The following SORCS1 variants were observed in gnomAD, a reference collection of about 807,000 sequenced individuals.
The protein encoded by SORCS1 is sortilin related VPS10 domain containing receptor 1.
A neutral mutation model predicts 146.1 loss-of-function variants in SORCS1; 60 were observed. The observed-to-expected ratio is 0.41, with a 90% CI of 0.33 to 0.51. SORCS1 has a LOEUF of 0.51. SORCS1 is among the 20% of genes least tolerant of loss of function. The pLI, the probability that SORCS1 is intolerant of heterozygous loss-of-function variation, is 0.21. For missense variants in SORCS1, 1,352 were observed against 1,487.6 expected (o/e 0.91, Z 1.50); for synonymous variants, 637 against 584.0 (o/e 1.09, Z -1.31).
intron 1 of SORCS1, among the ~76,000 whole-genome samples, chr10:107,076,213 A>T (rs1195000912): frequency 2.0e-5 from 3 of 152,096 alleles, no homozygotes; most frequent in Non-Finnish European, 2.9e-5. Flanking sequence ...ATGAGACTGT[A>T]TCTAAATACT....
intron 17 of SORCS1, among the ~76,000 whole-genome samples, chr10:106,666,486 C>T (rs1010116360): frequency 6.6e-6 from 1 of 152,108 alleles, no homozygotes; most frequent in Non-Finnish European, 1.5e-5. Flanking sequence ...TGCTGACTTA[C>T]CCTGCAGATC....
chr10:107,160,848 T>A (rs1969647646), intron 1 of SORCS1, among the ~76,000 whole-genome samples: 1 of 152,180 alleles, frequency 6.6e-6, no homozygotes, highest in Admixed American at 6.5e-5. Context: ...TATGCATACA[T>A]ATAAAGGCAA....
At chr10:107,145,347 G>T (rs1968229361) in intron 1 of SORCS1, among the ~76,000 whole-genome samples, 1 of 152,136 alleles carries the variant, frequency 6.6e-6, no homozygotes, top group Admixed American at 6.5e-5. Context: ...GCAACTTCTG[G>T]GAAGGAAACA....
chr10:106,990,821 A>G (rs1956737297), intron 1 of SORCS1, among the ~76,000 whole-genome samples: 1 of 152,256 alleles, frequency 6.6e-6, no homozygotes, highest in South Asian at 2.1e-4. Flanking sequence ...AAAACCACCA[A>G]TTAAAATAAA....
Position 106,576,145 on chromosome 10 carries a change from A to C in SORCS1, c.*1275T>G, listed in dbSNP as rs1214928056. The C allele has an allele frequency of 3.3e-5, 5 of 152,294 alleles. No homozygotes were observed. The highest frequency in any genetic ancestry group is 7.3e-5 in the Non-Finnish European group (5 of 68,100). The allele number at this position is 152,294 out of a possible 1,614,324, so 9.4% of individuals were successfully genotyped here. ...AAAGGCAGGGATATTTGAAAAAGGCAGGTTCTAGAGGAAAAGACAAAGATA... is the reference window on the plus strand; with the variant it reads ...AAAGGCAGGGATATTTGAAAAAGGCCGGTTCTAGAGGAAAAGACAAAGATA... On this transcript the variant is annotated 3_prime_UTR_variant, in exon 26 of 26. Coordinates refer to ENST00000263054, the MANE Select transcript of SORCS1 (RefSeq NM_052918.5).
chr10:106,585,025 T>C (rs572064414), intron 24 of SORCS1, among the ~76,000 whole-genome samples: 3 of 152,016 alleles, frequency 2.0e-5, no homozygotes, highest in Non-Finnish European at 4.4e-5. Context: ...TGTGAAAATA[T>C]TGTTAGCTAG....
intron 2 of SORCS1, among the ~76,000 whole-genome samples, chr10:106,837,147 A>C (rs2137087774): frequency 6.6e-6 from 1 of 152,304 alleles, no homozygotes; most frequent in African/African-American, 2.4e-5. Flanking sequence ...AGTTAGCAAA[A>C]TCCAAAACTG....
chr10:107,112,605 A>C (rs971477025), intron 1 of SORCS1, among the ~76,000 whole-genome samples: 2 of 152,106 alleles, frequency 1.3e-5, no homozygotes, highest in Admixed American at 1.3e-4. Context: ...GAATGGGTTA[A>C]AAAAAATCAA....
chr10:106,610,396 C>T (rs961277848), intron 22 of SORCS1, among the ~76,000 whole-genome samples: 1 of 152,054 alleles, frequency 6.6e-6, no homozygotes, highest in African/African-American at 2.4e-5. Flanking sequence ...GTTCTGAAAT[C>T]ACGGTTTCAA....
intron 18 of SORCS1, among the ~76,000 whole-genome samples, chr10:106,637,402 G>T (rs140077723): frequency 6.6e-6 from 1 of 152,190 alleles, no homozygotes; most frequent in Admixed American, 6.6e-5. Flanking sequence ...AGCTCTGGAA[G>T]ATGACTCTAA....
intron 1 of SORCS1, among the ~76,000 whole-genome samples, chr10:107,140,837 C>T (rs1967762265): frequency 6.6e-6 from 1 of 152,046 alleles, no homozygotes; most frequent in Non-Finnish European, 1.5e-5. Flanking sequence ...TTAGTGGTCA[C>T]AATATTAGTT....
intron 5 of SORCS1, among the ~76,000 whole-genome samples, chr10:106,734,806 T>C (rs562901994): frequency 7.2e-5 from 11 of 152,254 alleles, no homozygotes; most frequent in African/African-American, 1.9e-4. Flanking sequence ...CTTCTCTTTT[T>C]CCCCCTTTTT....
At chr10:106,874,568 T>A (rs1950533783) in intron 2 of SORCS1, among the ~76,000 whole-genome samples, 1 of 152,272 alleles carries the variant, frequency 6.6e-6, no homozygotes, top group South Asian at 2.1e-4. Flanking sequence ...CTTGTTTACA[T>A]ATGTACTCAG....
intron 4 of SORCS1, among the ~76,000 whole-genome samples, chr10:106,763,127 G>C (rs1859273490): frequency 6.6e-6 from 1 of 152,094 alleles, no homozygotes; most frequent in African/African-American, 2.4e-5. Flanking sequence ...AAATGTAAAA[G>C]TATCAGGACA....
chr10:106,794,379 CT>C (rs750739643), intron 3 of SORCS1, among the ~76,000 whole-genome samples: 9 of 152,180 alleles, frequency 5.9e-5, no homozygotes, highest in Non-Finnish European at 1.3e-4. Context: ...GTATTGCATC[CT>C]TCTGGCTGTT....
chr10:106,694,010 A>G (rs893637031), intron 9 of SORCS1, among the ~76,000 whole-genome samples: 4 of 151,548 alleles, frequency 2.6e-5, no homozygotes, highest in Admixed American at 6.6e-5. Context: ...AAGATGAAAC[A>G]ACGACTGTGG....
At chr10:106,921,560 T>C (rs1382885899) in intron 2 of SORCS1, among the ~76,000 whole-genome samples, 1 of 152,192 alleles carries the variant, frequency 6.6e-6, no homozygotes, top group Non-Finnish European at 1.5e-5. Context: ...TATATAATCA[T>C]TTAATAACAA....
At chr10:106,866,639 A>G (rs2137517043) in intron 2 of SORCS1, among the ~76,000 whole-genome samples, 1 of 152,328 alleles carries the variant, frequency 6.6e-6, no homozygotes, top group East Asian at 1.9e-4. Flanking sequence ...AAGGCTGCAA[A>G]GGAGAGGAAA....
intron 2 of SORCS1, among the ~76,000 whole-genome samples, chr10:106,932,038 G>T (rs753626342): frequency 6.6e-6 from 1 of 152,080 alleles, no homozygotes; most frequent in Non-Finnish European, 1.5e-5. Flanking sequence ...GAAAGCACAG[G>T]GTTTGGGGAC....
Sources: allele counts gnomAD v4.1 joint callset (sites outside exome capture counted in the v4.1 genomes callset), GRCh38; gene constraint gnomAD v4.1.1; transcripts MANE v1.5; gene names NCBI Gene and HGNC (gene_info 2026-07-23, HGNC 2026-07-21).